The following CDH18 variants were observed in gnomAD, a reference collection of about 807,000 sequenced individuals.
The protein encoded by CDH18 is cadherin-18.
In CDH18, 31 loss-of-function variants were observed where a neutral mutation model predicts 67.9. The observed-to-expected ratio is 0.46, with a 90% CI of 0.34 to 0.62. The LOEUF (loss-of-function observed/expected upper bound fraction) is 0.62. CDH18 is among the 20% of genes least tolerant of loss of function. CDH18 has a pLI of 0.01. For missense variants in CDH18, 890 were observed against 975.5 expected (o/e 0.91, Z 1.17); for synonymous variants, 362 against 347.2 (o/e 1.04, Z -0.48).
chr5:20,061,871 T>C (rs1239173439), intron 2 of CDH18, among the ~76,000 whole-genome samples: 1 of 152,080 alleles, frequency 6.6e-6, no homozygotes, highest in South Asian at 2.1e-4. Flanking sequence ...CAGAAAAGCA[T>C]CTTAGAGATC....
intron 2 of CDH18, among the ~76,000 whole-genome samples, chr5:20,206,654 A>G (rs1422269770): frequency 6.6e-6 from 1 of 151,952 alleles, no homozygotes; most frequent in African/African-American, 2.4e-5. Context: ...TCATCCCAGG[A>G]TAAGTATATA....
chr5:19,910,334 T>G (rs1790994869), intron 2 of CDH18, among the ~76,000 whole-genome samples: 1 of 152,180 alleles, frequency 6.6e-6, no homozygotes, highest in South Asian at 2.1e-4. Context: ...CAGGTTTATA[T>G]CACCCCAGAG....
At chr5:20,317,506 T>C (rs1737582949) in intron 1 of CDH18, among the ~76,000 whole-genome samples, 1 of 152,138 alleles carries the variant, frequency 6.6e-6, no homozygotes, top group Admixed American at 6.6e-5. Flanking sequence ...ATACTTTCAG[T>C]AGTACACATA....
intron 6 of CDH18, among the ~76,000 whole-genome samples, chr5:19,609,605 A>C (rs538018401): frequency 1.6e-4 from 24 of 152,162 alleles, no homozygotes; most frequent in Non-Finnish European, 3.4e-4. Context: ...ATTACCATGC[A>C]ATATAACTAG....
intron 1 of CDH18, among the ~76,000 whole-genome samples, chr5:20,540,366 C>T (rs756748390): frequency 1.5e-4 from 23 of 151,992 alleles, no homozygotes; most frequent in Non-Finnish European, 3.1e-4. Flanking sequence ...GAAATCATAA[C>T]CATATGTCAA....
intron 5 of CDH18, among the ~76,000 whole-genome samples, chr5:19,656,120 C>T (rs1756354167): frequency 6.6e-6 from 1 of 150,768 alleles, no homozygotes; most frequent in Non-Finnish European, 1.5e-5. Flanking sequence ...TTAGAGTTAC[C>T]TTCCATGCAA....
chr5:19,802,198 A>T (rs1038758266), intron 3 of CDH18, among the ~76,000 whole-genome samples: 1 of 152,130 alleles, frequency 6.6e-6, no homozygotes, highest in Non-Finnish European at 1.5e-5. Context: ...TGCTGCCTCA[A>T]ATACTATAAA....
intron 2 of CDH18, among the ~76,000 whole-genome samples, chr5:20,122,041 C>A (rs1479661100): frequency 6.6e-6 from 1 of 152,134 alleles, no homozygotes; most frequent in East Asian, 1.9e-4. Flanking sequence ...CCCCCTCTCA[C>A]AATGAAGTAT....
intron 1 of CDH18, among the ~76,000 whole-genome samples, chr5:19,986,324 GCTAGAGTTTCCT>G: frequency 6.6e-6 from 1 of 152,168 alleles, no homozygotes; most frequent in African/African-American, 2.4e-5. Flanking sequence ...TACAGTTACA[GCTAGAGTTTCCT>G]GCCACTCACT....
intron 2 of CDH18, among the ~76,000 whole-genome samples, chr5:20,024,331 G>A (rs1299655646): frequency 6.6e-6 from 1 of 152,126 alleles, no homozygotes; most frequent in Non-Finnish European, 1.5e-5. Context: ...GTCTGGGACT[G>A]GGGTAGGGTG....
In CDH18 at chr5:20,305,288, C is replaced by G. The variant is rs1736321465; in HGVS notation, c.-579-49783G>C. 11 of 1,494,364 alleles carry G rather than the reference C, an allele frequency of 7.4e-6. No individual in the cohort carries two copies. The Admixed American group carries it at 1.7e-4, about 23-fold the overall frequency. 92.6% of individuals were successfully genotyped at this position (1,494,364 alleles called of 1,614,324 possible). On this transcript the variant is annotated intron_variant, in intron 1 of 14. Coordinates refer to the CDH18 transcript ENST00000507958. ...AAACCTTTAAAACTTTTAAAGCCTC[C>G]TCTACTGTCAGATTCGAATCCAACA... is the stretch of plus-strand genomic sequence containing the variant.
intron 1 of CDH18, among the ~76,000 whole-genome samples, chr5:20,359,355 C>A (rs1034839617): frequency 1.3e-5 from 2 of 152,018 alleles, no homozygotes; most frequent in Admixed American, 6.6e-5. Context: ...AAGCAATCCT[C>A]GTAAAACAAT....
intron 5 of CDH18, among the ~76,000 whole-genome samples, chr5:19,699,456 A>T (rs993070720): frequency 1.6e-4 from 25 of 152,116 alleles, no homozygotes; most frequent in African/African-American, 6.0e-4. Flanking sequence ...TTCCCCAAAA[A>T]TTTTATAAGT....
At chr5:20,366,371 T>G (rs565292942) in intron 1 of CDH18, among the ~76,000 whole-genome samples, 48 of 152,326 alleles carry the variant, frequency 3.2e-4, no homozygotes, top group African/African-American at 1.1e-3. Context: ...CCTGTTCCAC[T>G]TTTTTTCCTG....
rs577728962 is a variant in CDH18, at chr5:19,866,064, C to T, written c.-256-26822G>A. Among the ~76,000 whole-genome samples the T allele has an allele frequency of 2.0e-5, 3 of 152,060 alleles. No homozygotes were observed. The South Asian group carries it at 6.2e-4, about 32-fold the overall frequency. On this transcript the variant is annotated intron_variant, in intron 2 of 12. Transcript: ENST00000382275. ...CGTAGGGAAAGAAAAACAACAACAA[C>T]AAAAGCCCTGCTCATTGTTTAAGGC...
intron 2 of CDH18, chr5:19,878,034 C>T (rs989302684): frequency 3.3e-5 from 5 of 151,978 alleles, no homozygotes; most frequent in Admixed American, 6.6e-5. Flanking sequence ...ATACTAACTT[C>T]GTTGTAAGAA....
In CDH18 at chr5:19,664,806, T is replaced by C. The variant is rs112761798; in HGVS notation, c.644-52205A>G. ...TACGGGGTTGGTATCATGATCTCCA[T>C]TTTAGAGCTCTTAAAACTAAGGCAT... is the stretch of plus-strand genomic sequence containing the variant. On this transcript the variant is annotated intron_variant, in intron 5 of 12. Coordinates refer to ENST00000382275, the MANE Select transcript of CDH18 (RefSeq NM_004934.5). 8.5e-3 allele frequency among the ~76,000 whole-genome samples: 1,300 copies of C among 152,100 alleles called. 10 individuals carry two copies. The highest frequency in any genetic ancestry group is 0.019 in the African/African-American group (791 of 41,560).
At chr5:19,719,894 G>C (rs1304161442) in intron 5 of CDH18, among the ~76,000 whole-genome samples, 1 of 105,568 alleles carries the variant, frequency 9.5e-6, no homozygotes, top group Non-Finnish European at 1.9e-5. Context: ...GAAAGAAAGA[G>C]TTAAGCAAGA....
chr5:19,856,140 G>A (rs16888181), intron 2 of CDH18, among the ~76,000 whole-genome samples: 1,943 of 152,284 alleles, frequency 0.013, 37 homozygotes, highest in African/African-American at 0.044. Flanking sequence ...GCATGCTTTG[G>A]AACTGTGCTA....
Sources: gnomAD v4.1 joint callset for allele counts (sites outside exome capture counted in the v4.1 genomes callset) on GRCh38, gnomAD v4.1.1 for gene constraint, MANE v1.5 for transcripts, NCBI Gene and HGNC (gene_info 2026-07-23, HGNC 2026-07-21) for gene names.